CYP2J2: variants seen among roughly 807,000 people sequenced by gnomAD.
The protein encoded by CYP2J2 is cytochrome P450 2J2.
CYP2J2 carries 41 observed loss-of-function variants against 48.8 expected under a neutral mutation model. That is an observed-to-expected ratio of 0.84 (90% CI 0.66 to 1.09). CYP2J2 has a LOEUF of 1.09. CYP2J2 is among the 50% of genes least tolerant of loss of function. The pLI is 0.00. For synonymous variants in CYP2J2, 221 were observed against 227.1 expected (o/e 0.97, Z 0.24); for missense variants, 644 against 617.3 (o/e 1.04, Z -0.46).
At chr1:59,956,940 C>T in the CYP2J2 span, among the ~76,000 whole-genome samples, 74 of 152,176 alleles carry the variant, frequency 4.9e-4, no homozygotes, top group African/African-American at 1.6e-3. Flanking sequence ...CTATTACCTT[C>T]AGGCCACTAA....
At chr1:59,943,569 G>A in the CYP2J2 span, among the ~76,000 whole-genome samples, 1 of 152,166 alleles carries the variant, frequency 6.6e-6, no homozygotes, top group African/African-American at 2.4e-5. Flanking sequence ...GTTTAGCAAG[G>A]AAACAGTCAA....
At chr1:59,911,538 G>A (rs1644413750) in intron 4 of CYP2J2, 70 bp downstream of exon 4, 4 of 1,183,972 alleles carry the variant, frequency 3.4e-6, no homozygotes, top group African/African-American at 1.6e-5. Context: ...AAACTAAAAG[G>A]AAAAACCCAT....
chr1:59,918,686 T>C (rs963504734), intron 1 of CYP2J2, among the ~76,000 whole-genome samples: 5 of 150,978 alleles, frequency 3.3e-5, no homozygotes, highest in African/African-American at 1.2e-4. Flanking sequence ...AAAAAAACCT[T>C]AACAGAATAA....
rs77627589 is a variant in CYP2J2, at chr1:59,917,082, C to T, written c.211-982G>A. ...CTGGGCTGTATAGTTCAATCGTTTT[C>T]GGCTCTTGCGGAAGTTGCTTTATTT... On this transcript the variant is annotated intron_variant, in intron 1 of 8. Transcript: ENST00000371204. Among the ~76,000 whole-genome samples, 7 of 152,212 alleles carry T rather than the reference C, an allele frequency of 4.6e-5. No homozygotes were observed. In the East Asian group the frequency reaches 1.2e-3, roughly 25 times the overall value.
the CYP2J2 span, among the ~76,000 whole-genome samples, chr1:59,932,077 GATTT>G: frequency 6.6e-6 from 1 of 151,956 alleles, no homozygotes; most frequent in Non-Finnish European, 1.5e-5. Context: ...GTTTGCTTAG[GATTT>G]ATTTTTTATT....
upstream of CYP2J2, among the ~76,000 whole-genome samples, chr1:59,927,180 T>C (rs1201133723): frequency 1.3e-5 from 2 of 152,212 alleles, no homozygotes; most frequent in Non-Finnish European, 2.9e-5. Context: ...GGTAGTCTCA[T>C]CTTGCTGTTG....
rs896307983 is a variant in CYP2J2 at position 59,911,736 on chromosome 1, T to C, written c.556A>G (p.Asn186Asp). 3 of 1,613,508 alleles carry C rather than the reference T, an allele frequency of 1.9e-6. No individual in the cohort carries two copies. The East Asian group carries it at 6.7e-5, about 36-fold the overall frequency. ...QPFDPHFKIN[N>D]AVSNIICSIT... ...GAGCAAATGATATTGGAAACTGCAT[T>C]GTTGATCTTGAAATGAGGGTCAAAA... Residue 186 changes from asparagine (N) to aspartate (D), a missense_variant, in exon 4 of 9, where the codon AAT (asparagine) becomes GAT (aspartate). Transcript: ENST00000371204.
intron 8 of CYP2J2, among the ~76,000 whole-genome samples, chr1:59,894,307 C>G (rs1644250182): frequency 6.6e-6 from 1 of 152,192 alleles, no homozygotes; most frequent in Non-Finnish European, 1.5e-5. Flanking sequence ...TGCCACTTTT[C>G]CTCCTTAATC....
chr1:59,950,926 T>C, the CYP2J2 span, among the ~76,000 whole-genome samples: 2 of 152,084 alleles, frequency 1.3e-5, no homozygotes, highest in Non-Finnish European at 2.9e-5. Flanking sequence ...AAGCAGAAGC[T>C]GCCAGGCTTC....
the CYP2J2 span, among the ~76,000 whole-genome samples, chr1:59,942,049 G>C: frequency 6.6e-6 from 1 of 152,198 alleles, no homozygotes; most frequent in Non-Finnish European, 1.5e-5. Context: ...TTCGTGATAA[G>C]TGCCTTATAC....
chr1:59,937,788 T>C, the CYP2J2 span, among the ~76,000 whole-genome samples: 1 of 152,126 alleles, frequency 6.6e-6, no homozygotes, highest in Non-Finnish European at 1.5e-5. Context: ...CTGATGTGTA[T>C]TGTCAAATAC....
intron 6 of CYP2J2, among the ~76,000 whole-genome samples, chr1:59,905,841 C>T (rs979482892): frequency 6.6e-6 from 1 of 152,176 alleles, no homozygotes; most frequent in East Asian, 1.9e-4. Context: ...ACTGTAGCAG[C>T]CTTATCTCTT....
At chr1:59,924,204 G>A (rs187225879) in intron 1 of CYP2J2, among the ~76,000 whole-genome samples, 2 of 152,232 alleles carry the variant, frequency 1.3e-5, no homozygotes, top group East Asian at 1.9e-4. Context: ...TATGTCCAGT[G>A]TAAATATACT....
chr1:59,912,033 T>C, intron 3 of CYP2J2, 129 bp downstream of exon 3: 1 of 1,054,528 alleles, frequency 9.5e-7, no homozygotes, highest in East Asian at 2.6e-5. Flanking sequence ...AGGACAGAGT[T>C]GTTCACTGTT....
the CYP2J2 span, among the ~76,000 whole-genome samples, chr1:59,940,395 A>G: frequency 2.2e-4 from 34 of 152,200 alleles, no homozygotes; most frequent in Non-Finnish European, 8.8e-5. Flanking sequence ...AGGCGGTCTC[A>G]TGACTCTGAC....
At chr1:59,903,625 A>G (rs746644460) in intron 7 of CYP2J2, among the ~76,000 whole-genome samples, 47 of 152,162 alleles carry the variant, frequency 3.1e-4, no homozygotes, top group Admixed American at 1.0e-3. Context: ...ATCGTGCAAT[A>G]TACCCTTGTA....
At position 59,905,010 on chromosome 1, in the gene CYP2J2, G is replaced by C; in HGVS notation, c.1052C>G (p.Pro351Arg). Residue 351 changes from proline to arginine, a missense_variant, in exon 7 of 9, where the codon CCG becomes CGG. By Grantham distance (103) the Pro-to-Arg change is moderately radical. Coordinates refer to ENST00000371204, the MANE Select transcript of CYP2J2 (RefSeq NM_000775.4). ...IDRVIGQGQQ[P>R]STAARESMPY... is the part of the protein sequence containing the mutation. Reference sequence around the variant, plus strand: ...CATGGACTCCCGGGCGGCTGTGCTCGGCTGCTGCCCCTGGCCAATCACTCT... The same window carrying C: ...CATGGACTCCCGGGCGGCTGTGCTCCGCTGCTGCCCCTGGCCAATCACTCT... The C allele has an allele frequency of 6.2e-7, 1 of 1,613,834 alleles. No individual in the cohort carries two copies. Among genetic ancestry groups the C allele is most frequent in the Non-Finnish European group, 8.5e-7 (1 of 1,179,916 alleles).
rs900046657 is a variant in CYP2J2, at chr1:59,916,201, G to C, written c.211-101C>G. On this transcript the variant is annotated intron_variant, in intron 1 of 8. Coordinates refer to ENST00000371204, the MANE Select transcript of CYP2J2 (RefSeq NM_000775.4). Reference sequence around the variant, plus strand: ...GAGGGGATCATATTGAGAGGAGTGCGTGTGTCTGTGTCTGTGTGTGTACGT... The same window carrying C: ...GAGGGGATCATATTGAGAGGAGTGCCTGTGTCTGTGTCTGTGTGTGTACGT... 5.2e-6 allele frequency: 5 copies of C among 963,560 alleles called. No homozygotes were observed. In the East Asian group the frequency reaches 1.2e-4, roughly 24 times the overall value. 59.7% of individuals were successfully genotyped at this position (963,560 alleles called of 1,614,324 possible). A position where few individuals can be genotyped will look rare whatever the true frequency, so the allele number is the denominator to read the frequency against.
chr1:59,920,990 T>G (rs1396004337), intron 1 of CYP2J2, among the ~76,000 whole-genome samples: 1 of 152,228 alleles, frequency 6.6e-6, no homozygotes, highest in Admixed American at 6.5e-5. Flanking sequence ...CAAAATTTCC[T>G]TTAAAATTTA....
Sources: gnomAD v4.1 joint callset for allele counts (sites outside exome capture counted in the v4.1 genomes callset) on GRCh38, gnomAD v4.1.1 for gene constraint, MANE v1.5 for transcripts, NCBI Gene and HGNC (gene_info 2026-07-23, HGNC 2026-07-21) for gene names.